The following SSPN variants were observed in gnomAD, a reference collection of about 807,000 sequenced individuals.
SSPN encodes the protein sarcospan.
In SSPN, 15 loss-of-function variants were observed where a neutral mutation model predicts 19.1. The observed-to-expected ratio is 0.78, with a 90% CI of 0.52 to 1.21. SSPN has a LOEUF of 1.21. SSPN is among the 50% of genes most tolerant of loss of function. SSPN has a pLI of 0.00. For synonymous variants in SSPN, 147 were observed against 140.3 expected, an observed-to-expected ratio of 1.05 and a Z score of -0.34; for missense variants, 291 against 314.0, an observed-to-expected ratio of 0.93 and a Z score of 0.55.
rs1458545564 is a variant in SSPN at position 26,232,005 on chromosome 12, AG to A, written c.*931del. The A allele has an allele frequency of 1.2e-6, 1 of 834,088 alleles. No individual in the cohort carries two copies. Among genetic ancestry groups the A allele is most frequent in the East Asian group, 2.7e-4 (1 of 3,676 alleles). 51.7% of individuals were successfully genotyped at this position (834,088 alleles called of 1,614,324 possible). A position where few individuals can be genotyped will look rare whatever the true frequency, so the allele number is the denominator to read the frequency against. On this transcript the variant is annotated 3_prime_UTR_variant, in exon 3 of 3. Coordinates refer to ENST00000242729, the MANE Select transcript of SSPN (RefSeq NM_005086.5). ...TTTCTTCTGAAAGCCAAGCACCACA[AG>A]GAAAAAAAAAATTATTAATAGCTCA...
upstream of SSPN, among the ~76,000 whole-genome samples, chr12:26,191,258 G>A (rs1295793619): frequency 6.6e-6 from 1 of 151,896 alleles, no homozygotes; most frequent in Non-Finnish European, 1.5e-5. Flanking sequence ...ATTATAAAAA[G>A]CACCTTAAAA....
intron 1 of SSPN, among the ~76,000 whole-genome samples, chr12:26,142,630 G>A (rs958655502): frequency 6.6e-5 from 10 of 152,182 alleles, no homozygotes; most frequent in Non-Finnish European, 2.9e-5. Flanking sequence ...CTGAATCTTG[G>A]GAAAGATCAG....
chr12:26,200,065 G>A (rs1399348203), intron 1 of SSPN, among the ~76,000 whole-genome samples: 1 of 152,082 alleles, frequency 6.6e-6, no homozygotes, highest in Non-Finnish European at 1.5e-5. Flanking sequence ...TTTAGTATTC[G>A]ATATTCTCCT....
At chr12:26,150,773 T>A (rs1944521052) in intron 1 of SSPN, among the ~76,000 whole-genome samples, 2 of 152,172 alleles carry the variant, frequency 1.3e-5, no homozygotes, top group Non-Finnish European at 2.9e-5. Context: ...GGCTTTTGAT[T>A]TTTTTAGCCC....
intron 1 of SSPN, chr12:26,124,571 G>T: frequency 6.2e-7 from 1 of 1,614,172 alleles, no homozygotes; most frequent in Non-Finnish European, 8.5e-7. Context: ...ATACAAAGAG[G>T]AATAGTCCAG....
At chr12:26,128,770 A>G (rs1368370300) in intron 1 of SSPN, among the ~76,000 whole-genome samples, 3 of 152,334 alleles carry the variant, frequency 2.0e-5, no homozygotes, top group Admixed American at 1.3e-4. Flanking sequence ...TTTGCTTTCA[A>G]TTAAAGATAT....
intron 1 of SSPN, among the ~76,000 whole-genome samples, chr12:26,201,029 A>ATAT (rs1555179553): frequency 2.3e-4 from 9 of 38,628 alleles, no homozygotes; most frequent in South Asian, 2.8e-3. Flanking sequence ...ATATATATAT[A>ATAT]TATATATATA....
chr12:26,122,012 G>C (rs1338308368), exon 1 of SSPN: 11 of 1,545,700 alleles, frequency 7.1e-6, no homozygotes, highest in Non-Finnish European at 8.7e-6. Context: ...ACCTCCTTAA[G>C]GGTATTTTAA....
At chr12:26,122,168 C>A (rs113285019) in intron 1 of SSPN, 2 of 1,532,062 alleles carry the variant, frequency 1.3e-6, no homozygotes, top group Non-Finnish European at 1.8e-6. Flanking sequence ...TGCGGCCGTG[C>A]GGGTGCTGGG....
At chr12:26,123,550 G>A in intron 1 of SSPN, 1 of 955,188 alleles carries the variant, frequency 1.0e-6, no homozygotes, top group Non-Finnish European at 1.7e-6. Flanking sequence ...GATGGGGTGC[G>A]GGTGAGGGAG....
chr12:26,182,581 CCCCTTCCCTTCCCTTCCCTTCCCTT>C (rs67332101), intron 1 of SSPN, among the ~76,000 whole-genome samples: 10,322 of 100,412 alleles, frequency 0.1, 727 homozygotes, highest in Middle Eastern at 0.18. Flanking sequence ...CCTTCCCCTT[CCCCTTCCCTTCCCTTCCCTTCCCTT>C]CCCTTCCCTT....
chr12:26,181,131 G>T (rs1455579246), intron 1 of SSPN: 1 of 152,170 alleles, frequency 6.6e-6, no homozygotes, highest in Admixed American at 6.5e-5. Context: ...TATATAAGGA[G>T]ATCTATTTTC....
At chr12:26,220,489 C>A (rs1591892686) in intron 1 of SSPN, among the ~76,000 whole-genome samples, 2 of 152,156 alleles carry the variant, frequency 1.3e-5, no homozygotes, top group South Asian at 4.1e-4. Flanking sequence ...ACCCGAGATG[C>A]TTTCTGTTCA....
At chr12:26,126,675 C>G (rs1385750098) in intron 1 of SSPN, 1 of 152,138 alleles carries the variant, frequency 6.6e-6, no homozygotes, top group Non-Finnish European at 1.5e-5. Context: ...GCTGCAGTCT[C>G]CGGAGTCCTG....
chr12:26,153,443 C>G (rs571892547), intron 1 of SSPN, among the ~76,000 whole-genome samples: 2 of 152,204 alleles, frequency 1.3e-5, no homozygotes, highest in Non-Finnish European at 2.9e-5. Context: ...CCTTTCTCCT[C>G]TCCTGGAATT....
At chr12:26,134,897 G>C (rs17366300) in intron 1 of SSPN, 5,931 of 152,386 alleles carry the variant, frequency 0.039, 152 homozygotes, top group South Asian at 0.069. Context: ...TAGTCTGGCA[G>C]GGTCTTTAGT....
chr12:26,169,164 T>C (rs1944639430), intron 1 of SSPN, among the ~76,000 whole-genome samples: 1 of 152,156 alleles, frequency 6.6e-6, no homozygotes, highest in Non-Finnish European at 1.5e-5. Context: ...GTTTTGAAAC[T>C]CCCAAAGAAT....
chr12:26,191,822 A>G (rs895829398), upstream of SSPN, among the ~76,000 whole-genome samples: 1 of 152,126 alleles, frequency 6.6e-6, no homozygotes, highest in Non-Finnish European at 1.5e-5. Context: ...TGAATTCCCA[A>G]TTGTTTTCTG....
At chr12:26,191,254 A>C (rs576414683), upstream of SSPN, among the ~76,000 whole-genome samples, 1 of 152,178 alleles carries the variant, frequency 6.6e-6, no homozygotes, top group South Asian at 2.1e-4. Flanking sequence ...TGGTATTATA[A>C]AAAGCACCTT....
Sources: allele counts gnomAD v4.1 joint callset (sites outside exome capture counted in the v4.1 genomes callset), GRCh38; gene constraint gnomAD v4.1.1; transcripts MANE v1.5; gene names NCBI Gene and HGNC (gene_info 2026-07-23, HGNC 2026-07-21).